The following IFRD1 variants were observed in gnomAD, a reference collection of about 807,000 sequenced individuals.
IFRD1 encodes interferon related developmental regulator 1.
IFRD1 carries 35 observed loss-of-function variants against 52.9 expected under a neutral mutation model. That is an observed-to-expected ratio of 0.66 (90% CI 0.51 to 0.88). The LOEUF (loss-of-function observed/expected upper bound fraction) is 0.88. Ranked by LOEUF, IFRD1 falls within the 40% of genes least tolerant of loss-of-function variation. IFRD1 has a pLI of 0.00. For synonymous variants in IFRD1, 184 were observed against 188.4 expected (o/e 0.98, Z 0.19); for missense variants, 517 against 550.8 (o/e 0.94, Z 0.61).
At chr7:112,447,032 A>C (rs142247011), upstream of IFRD1, among the ~76,000 whole-genome samples, 28 of 152,362 alleles carry the variant, frequency 1.8e-4, no homozygotes, top group African/African-American at 6.5e-4. Flanking sequence ...AGTGCTATGC[A>C]GAGAATCCCA....
At chr7:112,465,570 A>G (rs566239581) in intron 8 of IFRD1, among the ~76,000 whole-genome samples, 2 of 147,046 alleles carry the variant, frequency 1.4e-5, no homozygotes, top group African/African-American at 5.1e-5. Flanking sequence ...TAAGATCTAT[A>G]ACTTAATGGA....
chr7:112,444,595 T>C (rs1018318415), intron 1 of IFRD1, among the ~76,000 whole-genome samples: 1 of 152,078 alleles, frequency 6.6e-6, no homozygotes, highest in African/African-American at 2.4e-5. Context: ...TTTAGAAATA[T>C]CAGAAAAAAC....
At chr7:112,456,882 A>G (rs919760025) in intron 3 of IFRD1, 32 bp from the exon 4 acceptor site, 1 of 1,609,628 alleles carries the variant, frequency 6.2e-7, no homozygotes, top group East Asian at 2.2e-5. Context: ...CTCCAACTGG[A>G]TCTTCTTTCT....
At chr7:112,466,908 C>A (rs374268562) in intron 8 of IFRD1, among the ~76,000 whole-genome samples, 1 of 152,106 alleles carries the variant, frequency 6.6e-6, no homozygotes, top group South Asian at 2.1e-4. Flanking sequence ...TTTTAATACC[C>A]ACTTTGCATC....
At chr7:112,450,965 A>G (rs1203021481) in intron 1 of IFRD1, 183 bp downstream of exon 1, 2 of 636,614 alleles carry the variant, frequency 3.1e-6, no homozygotes, top group African/African-American at 1.8e-5. Context: ...CGCGCGATTT[A>G]GATCTGGCGT....
Position 112,450,478 on chromosome 7 carries a change from G to T in IFRD1, c.-211G>T. ...CTGCCCCGCCTTAGCTCCCGCGCTA[G>T]AGAGAAACATGTATCGTTTTCGATC... On this transcript the variant is annotated 5_prime_UTR_variant, in exon 1 of 12. Transcript: ENST00000403825. 1.7e-6 allele frequency: 1 copy of T among 599,518 alleles called. No homozygotes were observed. Among genetic ancestry groups the T allele is most frequent in the Non-Finnish European group, 3.0e-6 (1 of 329,322 alleles). The allele number at this position is 599,518 out of a possible 1,614,324, so 37.1% of individuals were successfully genotyped here. A position where few individuals can be genotyped will look rare whatever the true frequency, so the allele number is the denominator to read the frequency against.
At chr7:112,434,644 A>T (rs1794628357) in intron 1 of IFRD1, among the ~76,000 whole-genome samples, 1 of 152,228 alleles carries the variant, frequency 6.6e-6, no homozygotes, top group Non-Finnish European at 1.5e-5. Context: ...TATCAATTCC[A>T]TGTTATTACA....
intron 1 of IFRD1, among the ~76,000 whole-genome samples, chr7:112,438,534 A>G (rs1794770731): frequency 6.6e-6 from 1 of 152,194 alleles, no homozygotes; most frequent in Non-Finnish European, 1.5e-5. Context: ...TTGTTGGTTC[A>G]CTTCCTATTT....
intron 8 of IFRD1, among the ~76,000 whole-genome samples, chr7:112,464,206 G>A (rs1055062588): frequency 6.6e-6 from 1 of 151,864 alleles, no homozygotes; most frequent in Non-Finnish European, 1.5e-5. Flanking sequence ...TTTGCTAACT[G>A]ACTTTCTGAT....
intron 1 of IFRD1, among the ~76,000 whole-genome samples, chr7:112,455,544 C>T (rs1294763197): frequency 6.6e-6 from 1 of 152,022 alleles, no homozygotes; most frequent in Non-Finnish European, 1.5e-5. Context: ...AGGACTGATG[C>T]GTATAGTTGA....
In IFRD1 at chr7:112,476,079, A is replaced by G. The variant is rs1009155713; in HGVS notation, c.*560A>G. The stretch of plus-strand genomic sequence containing the variant: ...TATTGGGAGTTCATGATGAATTAGC[A>G]TATGCCAGAAAGGTTGCTAACCTTA... On this transcript the variant is annotated 3_prime_UTR_variant, in exon 12 of 12. Transcript: ENST00000403825. 1 of 153,116 alleles carries G rather than the reference A, an allele frequency of 6.5e-6. No homozygotes were observed. Among genetic ancestry groups the G allele is most frequent in the Non-Finnish European group, 1.5e-5 (1 of 68,740 alleles). The allele number at this position is 153,116 out of a possible 1,614,324, so 9.5% of individuals were successfully genotyped here.
chr7:112,472,891 T>G lies in IFRD1; in HGVS notation c.1266+30T>G, dbSNP rs775866457. On this transcript the variant is annotated intron_variant, in intron 11 of 11. Coordinates refer to ENST00000403825, the MANE Select transcript of IFRD1 (RefSeq NM_001550.4). ...GTTTTGTTTTTATTTTTAATAAAACTAAGTGCGCCAAAGCTTTGATTCTGT... is the reference window on the plus strand; with the variant it reads ...GTTTTGTTTTTATTTTTAATAAAACGAAGTGCGCCAAAGCTTTGATTCTGT... 1.7e-5 allele frequency: 24 copies of G among 1,436,462 alleles called. No individual in the cohort carries two copies. The South Asian group carries it at 2.6e-4, about 16-fold the overall frequency. The allele number at this position is 1,436,462 out of a possible 1,614,324, so 89.0% of individuals were successfully genotyped here.
chr7:112,461,838 G>A, intron 5 of IFRD1, 28 bp from the exon 6 acceptor site: 2 of 1,197,238 alleles, frequency 1.7e-6, no homozygotes, highest in Non-Finnish European at 2.4e-6. Flanking sequence ...AATCATTAAT[G>A]TCTATATATA....
intron 1 of IFRD1, among the ~76,000 whole-genome samples, chr7:112,427,595 A>G (rs1794454724): frequency 6.6e-6 from 1 of 152,232 alleles, no homozygotes; most frequent in East Asian, 1.9e-4. Flanking sequence ...GATAAGTAGA[A>G]AAACAACATA....
intron 1 of IFRD1, among the ~76,000 whole-genome samples, chr7:112,454,040 T>TAGTAGAGGGGGG: frequency 6.6e-6 from 1 of 152,366 alleles, no homozygotes; most frequent in Non-Finnish European, 1.5e-5. Flanking sequence ...TGGGACTTAA[T>TAGTAGAGGGGGG]TTAACTCAGT....
chr7:112,438,240 G>A (rs1232276373), intron 1 of IFRD1, among the ~76,000 whole-genome samples: 1 of 152,144 alleles, frequency 6.6e-6, no homozygotes, highest in Non-Finnish European at 1.5e-5. Flanking sequence ...CATAAAAAAA[G>A]GGGCCAAATT....
chr7:112,437,000 G>T lies in IFRD1; in HGVS notation c.-181-13508G>T, dbSNP rs1046047188. Among the ~76,000 whole-genome samples the T allele has an allele frequency of 1.6e-4, 24 of 152,046 alleles. No individual in the cohort carries two copies. In the East Asian group the frequency reaches 1.7e-3, roughly 11 times the overall value. ...CAGGCTAAAGAGAACAGTTTTTTTTGTTTGTTTGTTTTTTTGAGACAGGGT... is the reference window on the plus strand; with the variant it reads ...CAGGCTAAAGAGAACAGTTTTTTTTTTTTGTTTGTTTTTTTGAGACAGGGT... On this transcript the variant is annotated intron_variant, in intron 1 of 12. Transcript: ENST00000005558.
chr7:112,445,078 T>G (rs1470053299), intron 1 of IFRD1, among the ~76,000 whole-genome samples: 2 of 147,492 alleles, frequency 1.4e-5, no homozygotes, highest in East Asian at 3.9e-4. Flanking sequence ...TTTTTTTTTT[T>G]TTTTTTGAAA....
At chr7:112,432,049 C>T (rs1193564207) in intron 1 of IFRD1, among the ~76,000 whole-genome samples, 1 of 152,172 alleles carries the variant, frequency 6.6e-6, no homozygotes, top group Non-Finnish European at 1.5e-5. Context: ...AGTCATCAGG[C>T]CAGCCATTTA....
Sources: gnomAD v4.1 joint callset for allele counts (sites outside exome capture counted in the v4.1 genomes callset) on GRCh38, gnomAD v4.1.1 for gene constraint, MANE v1.5 for transcripts, NCBI Gene and HGNC (gene_info 2026-07-23, HGNC 2026-07-21) for gene names.